DLG2: variants seen among roughly 807,000 people sequenced by gnomAD.
DLG2 encodes the protein disks large homolog 2.
Under a neutral mutation model 132.5 loss-of-function variants are expected in DLG2, and 45 were observed. That is an observed-to-expected ratio of 0.34 (90% CI 0.27 to 0.44). The LOEUF (loss-of-function observed/expected upper bound fraction) is 0.44, where lower values mean the gene tolerates loss of function less well. DLG2 is among the 20% of genes least tolerant of loss of function. The pLI is 1.00. For missense variants in DLG2, 1,045 were observed against 1,196.9 expected (o/e 0.87, Z 1.87); for synonymous variants, 424 against 419.6 (o/e 1.01, Z -0.13).
chr11:85,018,900 T>G (rs748788524), intron 6 of DLG2, among the ~76,000 whole-genome samples: 1 of 152,144 alleles, frequency 6.6e-6, no homozygotes, highest in Non-Finnish European at 1.5e-5. Context: ...GTATCAACTT[T>G]AGAAAACAAA....
At chr11:85,211,192 T>C (rs2082231420) in intron 4 of DLG2, among the ~76,000 whole-genome samples, 1 of 152,164 alleles carries the variant, frequency 6.6e-6, no homozygotes, top group Non-Finnish European at 1.5e-5. Flanking sequence ...CTGCTACATA[T>C]TATTTCATTT....
chr11:84,100,987 T>C (rs1300322201), intron 9 of DLG2, among the ~76,000 whole-genome samples: 1 of 152,194 alleles, frequency 6.6e-6, no homozygotes, highest in East Asian at 1.9e-4. Flanking sequence ...TGATGTTTTC[T>C]CTAATTCTGT....
chr11:84,450,266 T>G (rs965393628), intron 7 of DLG2, among the ~76,000 whole-genome samples: 1 of 151,770 alleles, frequency 6.6e-6, no homozygotes, highest in African/African-American at 2.4e-5. Context: ...TGTGGTAGCT[T>G]ATGACAAAAA....
chr11:84,643,309 C>G (rs1292559864), intron 6 of DLG2, among the ~76,000 whole-genome samples: 1 of 152,098 alleles, frequency 6.6e-6, no homozygotes, highest in Admixed American at 6.5e-5. Flanking sequence ...TCTCTGTGGA[C>G]CAGAAACAAG....
chr11:85,389,436 G>C (rs191845823), intron 3 of DLG2, among the ~76,000 whole-genome samples: 1 of 152,202 alleles, frequency 6.6e-6, no homozygotes, highest in Non-Finnish European at 1.5e-5. Context: ...AAACATATTT[G>C]AGGGAATACC....
chr11:84,820,818 GA>G (rs1159031952), intron 6 of DLG2, among the ~76,000 whole-genome samples: 1 of 151,550 alleles, frequency 6.6e-6, no homozygotes, highest in Non-Finnish European at 1.5e-5. Flanking sequence ...TAGAATAAGA[GA>G]AACACTTCTC....
At chr11:83,546,839 A>G (rs2096254313) in intron 19 of DLG2, among the ~76,000 whole-genome samples, 1 of 152,148 alleles carries the variant, frequency 6.6e-6, no homozygotes, top group Admixed American at 6.6e-5. Flanking sequence ...GACACATTCA[A>G]TTCTCACAGC....
At chr11:83,493,504 A>C (rs2093988030) in intron 21 of DLG2, among the ~76,000 whole-genome samples, 1 of 151,930 alleles carries the variant, frequency 6.6e-6, no homozygotes. Flanking sequence ...GTTTTCATCC[A>C]CTGCCATCTC....
At chr11:84,776,423 T>A (rs2070506820) in intron 6 of DLG2, among the ~76,000 whole-genome samples, 1 of 152,174 alleles carries the variant, frequency 6.6e-6, no homozygotes, top group Admixed American at 6.6e-5. Context: ...TCTAAAATAA[T>A]GGGATTACAG....
chr11:83,987,645 T>C (rs1344055701), intron 11 of DLG2, among the ~76,000 whole-genome samples: 1 of 152,170 alleles, frequency 6.6e-6, no homozygotes, highest in East Asian at 1.9e-4. Flanking sequence ...GCTAGCCATA[T>C]GTAGAAAGCT....
chr11:85,066,981 A>G (rs1566777097), intron 6 of DLG2, among the ~76,000 whole-genome samples: 1 of 151,742 alleles, frequency 6.6e-6, no homozygotes, highest in Admixed American at 6.6e-5. Context: ...AGAAAACGGG[A>G]AGTCAAATTT....
intron 11 of DLG2, among the ~76,000 whole-genome samples, chr11:84,018,860 G>A (rs1431318174): frequency 6.6e-6 from 1 of 151,688 alleles, no homozygotes; most frequent in Non-Finnish European, 1.5e-5. Flanking sequence ...AAAAAAAAAT[G>A]GGCAAGACTA....
intron 19 of DLG2, chr11:83,631,370 G>A (rs1398909393): frequency 1.3e-5 from 2 of 151,532 alleles, no homozygotes; most frequent in African/African-American, 4.8e-5. Flanking sequence ...TTGAACATTT[G>A]GAAACTAAAT....
intron 3 of DLG2, among the ~76,000 whole-genome samples, chr11:85,421,171 A>G (rs2152995125): frequency 6.6e-6 from 1 of 152,190 alleles, no homozygotes; most frequent in South Asian, 2.1e-4. Flanking sequence ...GCCGGAGTGT[A>G]CCATTCCTCA....
chr11:85,399,223 G>A (rs2087764823), intron 3 of DLG2, among the ~76,000 whole-genome samples: 1 of 152,088 alleles, frequency 6.6e-6, no homozygotes, highest in Non-Finnish European at 1.5e-5. Flanking sequence ...CAACTTCCAG[G>A]GGATATGAAG....
At chr11:85,158,367 A>G (rs1360855716) in intron 4 of DLG2, among the ~76,000 whole-genome samples, 3 of 152,168 alleles carry the variant, frequency 2.0e-5, no homozygotes, top group African/African-American at 7.2e-5. Flanking sequence ...TTAAAAGATA[A>G]CCCACTGTGA....
At chr11:85,007,692 A>T (rs1291064118) in intron 6 of DLG2, among the ~76,000 whole-genome samples, 1 of 146,016 alleles carries the variant, frequency 6.8e-6, no homozygotes, top group Non-Finnish European at 1.5e-5. Flanking sequence ...AAAAAAAAAG[A>T]AAAGAAAAGA....
chr11:85,008,754 G>T (rs2253167), intron 6 of DLG2, among the ~76,000 whole-genome samples: 1 of 151,846 alleles, frequency 6.6e-6, no homozygotes. Context: ...CAATTCTGCT[G>T]TCATTAAACT....
intron 17 of DLG2, among the ~76,000 whole-genome samples, chr11:83,818,274 A>C (rs2049669630): frequency 6.6e-6 from 1 of 152,154 alleles, no homozygotes; most frequent in African/African-American, 2.4e-5. Flanking sequence ...TGCTTTTCAA[A>C]ACTTCTGCAT....
Sources: gnomAD v4.1 joint callset for allele counts (sites outside exome capture counted in the v4.1 genomes callset) on GRCh38, gnomAD v4.1.1 for gene constraint, MANE v1.5 for transcripts, NCBI Gene and HGNC (gene_info 2026-07-23, HGNC 2026-07-21) for gene names.